CSMD1: variants seen among roughly 807,000 people sequenced by gnomAD.
CSMD1 encodes CUB and Sushi multiple domains 1.
In CSMD1, 213 loss-of-function variants were observed where a neutral mutation model predicts 417.5. The ratio of observed to expected loss-of-function variants is 0.51; its 90% CI spans 0.46 to 0.57. CSMD1 has a LOEUF of 0.57. CSMD1 is among the 20% of genes least tolerant of loss of function. The pLI, the probability that CSMD1 is intolerant of heterozygous loss-of-function variation, is 0.00. For synonymous variants in CSMD1, 2,862 were observed against 1,736.8 expected, an observed-to-expected ratio of 1.65 and a Z score of -16.11; for missense variants, 6,923 against 4,529.7, an observed-to-expected ratio of 1.53 and a Z score of -15.17.
intron 49 of CSMD1, among the ~76,000 whole-genome samples, chr8:3,055,128 C>T (rs1812129550): frequency 6.6e-6 from 1 of 152,176 alleles, no homozygotes; most frequent in Admixed American, 6.5e-5. Context: ...TGACATTTTT[C>T]TATCGGACGA....
At chr8:3,808,870 G>C (rs184281663) in intron 5 of CSMD1, among the ~76,000 whole-genome samples, 4 of 152,166 alleles carry the variant, frequency 2.6e-5, no homozygotes, top group African/African-American at 7.2e-5. Context: ...GTCTCAATGA[G>C]AATTCTGAAG....
chr8:4,907,650 T>C (rs1391291408), intron 1 of CSMD1, among the ~76,000 whole-genome samples: 1 of 151,972 alleles, frequency 6.6e-6, no homozygotes, highest in Non-Finnish European at 1.5e-5. Flanking sequence ...GCCTCAATTT[T>C]CCAGGCTCTA....
At chr8:4,814,100 T>C in intron 1 of CSMD1, among the ~76,000 whole-genome samples, 1 of 152,208 alleles carries the variant, frequency 6.6e-6, no homozygotes, top group Non-Finnish European at 1.5e-5. Context: ...AAACATTTAA[T>C]CCCATATATT....
intron 5 of CSMD1, among the ~76,000 whole-genome samples, chr8:3,848,423 T>C (rs578006699): frequency 7.9e-5 from 12 of 152,316 alleles, no homozygotes; most frequent in Admixed American, 6.5e-4. Flanking sequence ...AAAACACAAT[T>C]AGGAGTTATT....
At chr8:4,828,466 G>C (rs961803137) in intron 1 of CSMD1, among the ~76,000 whole-genome samples, 1 of 152,088 alleles carries the variant, frequency 6.6e-6, no homozygotes, top group Non-Finnish European at 1.5e-5. Flanking sequence ...AATTCAGGGA[G>C]CTTCTGCTGT....
At chr8:3,807,426 A>AT (rs34038077) in intron 5 of CSMD1, among the ~76,000 whole-genome samples, 53,733 of 151,766 alleles carry the variant, frequency 0.35, 10,180 homozygotes, top group East Asian at 0.43. Flanking sequence ...GTTTTCTCTG[A>AT]TTTTTTTTAT....
intron 3 of CSMD1, among the ~76,000 whole-genome samples, chr8:4,149,770 T>C (rs894891977): frequency 6.6e-6 from 1 of 152,310 alleles, no homozygotes. Context: ...TTGCTGGATG[T>C]GTCGTAGTTG....
At chr8:4,429,907 G>T (rs1438201) in intron 2 of CSMD1, among the ~76,000 whole-genome samples, 17 of 151,660 alleles carry the variant, frequency 1.1e-4, no homozygotes, top group Non-Finnish European at 2.4e-4. Context: ...GCCAAGACTT[G>T]GGGATTCAAT....
intron 8 of CSMD1, among the ~76,000 whole-genome samples, chr8:3,593,252 C>G (rs150372073): frequency 1.2e-4 from 19 of 152,330 alleles, no homozygotes; most frequent in Admixed American, 5.2e-4. Context: ...AGAACCCCCG[C>G]GTTGTGTCTG....
chr8:3,929,408 T>C (rs1425895287), intron 5 of CSMD1, among the ~76,000 whole-genome samples: 1 of 150,344 alleles, frequency 6.7e-6, no homozygotes, highest in Non-Finnish European at 1.5e-5. Flanking sequence ...ACAATGTAAT[T>C]TCAACCTTCC....
chr8:4,861,498 T>G, intron 1 of CSMD1, among the ~76,000 whole-genome samples: 1 of 152,098 alleles, frequency 6.6e-6, no homozygotes, highest in South Asian at 2.1e-4. Flanking sequence ...ATGATGTGTC[T>G]GCGATTTAGT....
chr8:3,359,235 C>T lies in CSMD1; in HGVS notation c.3221G>A (p.Gly1074Glu). 1 of 1,613,874 alleles carries T rather than the reference C, an allele frequency of 6.2e-7. No homozygotes were observed. The highest frequency in any genetic ancestry group is 8.5e-7 in the Non-Finnish European group (1 of 1,179,846). ...GDSLTFSCFL[G>E]YRLEGATKLT... ...CTTGGTGGCACCTTCTAAACGATATCCCAGGAAGCAGGAAAACGTCAGAGA... is the reference window on the plus strand; with the variant it reads ...CTTGGTGGCACCTTCTAAACGATATTCCAGGAAGCAGGAAAACGTCAGAGA... The change falls in exon 21 of 70, where the codon GGA becomes GAA. Residue 1074 changes from glycine to glutamate, a missense_variant. Coordinates refer to ENST00000635120, the MANE Select transcript of CSMD1 (RefSeq NM_033225.6).
At chr8:4,336,684 A>G (rs575394884) in intron 3 of CSMD1, among the ~76,000 whole-genome samples, 3 of 152,266 alleles carry the variant, frequency 2.0e-5, no homozygotes, top group South Asian at 4.1e-4. Context: ...TAGTCCTTCG[A>G]AGACAAAGTA....
chr8:4,819,787 T>C (rs942756012), intron 1 of CSMD1, among the ~76,000 whole-genome samples: 8 of 152,004 alleles, frequency 5.3e-5, no homozygotes, highest in African/African-American at 1.9e-4. Flanking sequence ...CAGGAGTCAA[T>C]GCTAAGGGTG....
chr8:3,992,088 T>A (rs938262034), intron 5 of CSMD1, among the ~76,000 whole-genome samples: 1 of 142,940 alleles, frequency 7.0e-6, no homozygotes, highest in African/African-American at 2.5e-5. Flanking sequence ...TCAGCTGGTA[T>A]GCAGAGTATC....
chr8:4,378,973 T>G (rs1034371727), intron 3 of CSMD1, among the ~76,000 whole-genome samples: 1 of 152,182 alleles, frequency 6.6e-6, no homozygotes, highest in Non-Finnish European at 1.5e-5. Flanking sequence ...GTTTATGATA[T>G]TTTGTAATCA....
chr8:3,854,246 G>A (rs933503072), intron 5 of CSMD1, among the ~76,000 whole-genome samples: 1 of 150,136 alleles, frequency 6.7e-6, no homozygotes, highest in Admixed American at 6.7e-5. Flanking sequence ...AAAATCTCAG[G>A]AGTAATACAT....
chr8:4,514,058 C>A (rs368140858), intron 2 of CSMD1, among the ~76,000 whole-genome samples: 1 of 152,120 alleles, frequency 6.6e-6, no homozygotes, highest in South Asian at 2.1e-4. Context: ...GTAGCTTAAA[C>A]AACAAAATTT....
intron 2 of CSMD1, among the ~76,000 whole-genome samples, chr8:4,613,992 TA>T (rs1166518993): frequency 6.6e-6 from 1 of 152,168 alleles, no homozygotes; most frequent in African/African-American, 2.4e-5. Flanking sequence ...ATAAAGATTT[TA>T]CATGTCCTAA....
Sources: gnomAD v4.1 joint callset for allele counts (sites outside exome capture counted in the v4.1 genomes callset) on GRCh38, gnomAD v4.1.1 for gene constraint, MANE v1.5 for transcripts, NCBI Gene and HGNC (gene_info 2026-07-23, HGNC 2026-07-21) for gene names.